SLC25A21: variants seen among roughly 807,000 people sequenced by gnomAD.
SLC25A21 encodes solute carrier family 25 member 21, also known as mitochondrial 2-oxodicarboxylate carrier.
Under a neutral mutation model 43.8 loss-of-function variants are expected in SLC25A21, and 47 were observed. That is an observed-to-expected ratio of 1.07 (90% CI 0.85 to 1.37). The LOEUF is 1.37. SLC25A21 is among the 40% of genes most tolerant of loss of function. The pLI is 0.00. For synonymous variants in SLC25A21, 131 were observed against 121.3 expected, an observed-to-expected ratio of 1.08 and a Z score of -0.52; for missense variants, 352 against 350.2, an observed-to-expected ratio of 1.00 and a Z score of -0.04.
intron 3 of SLC25A21, among the ~76,000 whole-genome samples, chr14:36,752,628 A>G (rs8015489): frequency 0.017 from 2,557 of 152,324 alleles, 81 homozygotes; most frequent in African/African-American, 0.059. Flanking sequence ...AGCCAGACAC[A>G]AAAAGACAAG....
intron 1 of SLC25A21, among the ~76,000 whole-genome samples, chr14:36,955,943 C>T (rs1959329670): frequency 2.0e-5 from 3 of 152,286 alleles, no homozygotes; most frequent in African/African-American, 7.2e-5. Flanking sequence ...ATAAACAAAA[C>T]ATTCCATTCA....
chr14:37,055,593 G>T (rs1961806833), intron 1 of SLC25A21, among the ~76,000 whole-genome samples: 1 of 152,068 alleles, frequency 6.6e-6, no homozygotes, highest in Non-Finnish European at 1.5e-5. Context: ...GCCGAACATG[G>T]AAGTCCACCT....
intron 1 of SLC25A21, among the ~76,000 whole-genome samples, chr14:36,914,421 C>G (rs1337128946): frequency 6.6e-6 from 1 of 152,154 alleles, no homozygotes; most frequent in South Asian, 2.1e-4. Flanking sequence ...TATAAACAGG[C>G]TTTTGCCCCT....
intron 2 of SLC25A21, among the ~76,000 whole-genome samples, chr14:36,816,740 G>A (rs1888470259): frequency 6.6e-6 from 1 of 152,040 alleles, no homozygotes; most frequent in Non-Finnish European, 1.5e-5. Context: ...CTGGGCTCAA[G>A]CAATCCTCCC....
chr14:37,043,231 T>A (rs1025019909), intron 1 of SLC25A21, among the ~76,000 whole-genome samples: 1 of 152,170 alleles, frequency 6.6e-6, no homozygotes, highest in African/African-American at 2.4e-5. Context: ...CAGCTAACTA[T>A]CCAGTTGTAC....
intron 1 of SLC25A21, among the ~76,000 whole-genome samples, chr14:37,164,705 A>G (rs1200708136): frequency 6.6e-6 from 1 of 152,192 alleles, no homozygotes; most frequent in Non-Finnish European, 1.5e-5. Flanking sequence ...TAATCTTGTG[A>G]AAATGAAGAT....
At chr14:37,029,123 T>C (rs1477817196) in intron 1 of SLC25A21, among the ~76,000 whole-genome samples, 1 of 152,214 alleles carries the variant, frequency 6.6e-6, no homozygotes, top group East Asian at 1.9e-4. Context: ...ATTCAGAGTT[T>C]TGATTCAGAA....
chr14:36,800,774 A>C (rs1412645860), intron 3 of SLC25A21, among the ~76,000 whole-genome samples: 1 of 152,214 alleles, frequency 6.6e-6, no homozygotes, highest in Non-Finnish European at 1.5e-5. Context: ...ATAAAAAAAA[A>C]TTAAAGTCCC....
chr14:36,720,727 A>G (rs1884339495), intron 6 of SLC25A21, among the ~76,000 whole-genome samples: 1 of 152,258 alleles, frequency 6.6e-6, no homozygotes, highest in African/African-American at 2.4e-5. Context: ...ATTGTGGTAG[A>G]ATTCTTCCCA....
chr14:36,737,474 G>A (rs1412763698), intron 3 of SLC25A21, among the ~76,000 whole-genome samples: 1 of 152,072 alleles, frequency 6.6e-6, no homozygotes, highest in Non-Finnish European at 1.5e-5. Context: ...CCACCATCCT[G>A]AGCTTCCAAA....
intron 1 of SLC25A21, among the ~76,000 whole-genome samples, chr14:37,121,440 A>C (rs996878305): frequency 1.3e-5 from 2 of 152,192 alleles, no homozygotes; most frequent in African/African-American, 2.4e-5. Flanking sequence ...GTACAAAACA[A>C]GTTAACATGT....
intron 1 of SLC25A21, among the ~76,000 whole-genome samples, chr14:36,921,926 C>A (rs192319607): frequency 1.1e-4 from 17 of 152,172 alleles, no homozygotes; most frequent in African/African-American, 3.6e-4. Context: ...GAGTGAAACA[C>A]CTGAGGTCAG....
chr14:37,114,788 CG>C (rs145974273), intron 1 of SLC25A21, among the ~76,000 whole-genome samples: 18,303 of 150,594 alleles, frequency 0.12, 2,752 homozygotes, highest in African/African-American at 0.36. Flanking sequence ...ATTTTTATGG[CG>C]GGGGGGGAAT....
rs1441950065 is a variant in SLC25A21, at chr14:36,700,774, C to T, written c.603+10544G>A. 3.3e-5 allele frequency among the ~76,000 whole-genome samples: 5 copies of T among 152,152 alleles called. No individual in the cohort carries two copies. In the East Asian group the frequency reaches 7.7e-4, roughly 23 times the overall value. On this transcript the variant is annotated intron_variant, in intron 7 of 9. Transcript: ENST00000331299. ...AATGCCTTAGCTTCCTTTAATAAAA[C>T]ATAATAAACAAAGAACCAAGGTTTC...
chr14:36,720,140 T>G (rs1301741399), intron 6 of SLC25A21, among the ~76,000 whole-genome samples: 2 of 152,210 alleles, frequency 1.3e-5, no homozygotes, highest in Non-Finnish European at 2.9e-5. Context: ...CCATGCTCTC[T>G]GCACCTGGAA....
rs1263933397 is a variant in SLC25A21, at chr14:36,755,311, A to G, written c.204-20738T>C. ...AGAATTCAGTTATCACTCACCATGT[A>G]AAACCACCACTGTATTCAGAAAGTG... On this transcript the variant is annotated intron_variant, in intron 3 of 9. Transcript: ENST00000331299. 5.3e-5 allele frequency among the ~76,000 whole-genome samples: 8 copies of G among 152,378 alleles called. No homozygotes were observed. In the East Asian group the frequency reaches 1.5e-3, roughly 29 times the overall value.
chr14:36,901,824 AT>A (rs1555335722), intron 1 of SLC25A21, among the ~76,000 whole-genome samples: 3 of 152,186 alleles, frequency 2.0e-5, no homozygotes, highest in Admixed American at 6.5e-5. Flanking sequence ...ACAGTAAACT[AT>A]TTTTTAAAAC....
At chr14:36,687,711 G>A (rs775095764) in intron 7 of SLC25A21, among the ~76,000 whole-genome samples, 3 of 152,090 alleles carry the variant, frequency 2.0e-5, no homozygotes, top group Non-Finnish European at 2.9e-5. Flanking sequence ...GTCACATGCC[G>A]CTAGCCATCC....
intron 1 of SLC25A21, among the ~76,000 whole-genome samples, chr14:36,969,633 C>T (rs1243429913): frequency 6.6e-6 from 1 of 150,862 alleles, no homozygotes; most frequent in Non-Finnish European, 1.5e-5. Context: ...GGACAACAGG[C>T]ATGCACCACC....
Sources: allele counts gnomAD v4.1 joint callset (sites outside exome capture counted in the v4.1 genomes callset), GRCh38; gene constraint gnomAD v4.1.1; transcripts MANE v1.5; gene names NCBI Gene and HGNC (gene_info 2026-07-23, HGNC 2026-07-21).